Variants in PGM5 observed in about 807,000 individuals in gnomAD.
The protein encoded by PGM5 is phosphoglucomutase-like protein 5.
A neutral mutation model predicts 59.2 loss-of-function variants in PGM5; 23 were observed. The observed-to-expected ratio is 0.39, with a 90% CI of 0.28 to 0.55. The LOEUF (loss-of-function observed/expected upper bound fraction) is 0.55. Among genes scored for constraint, PGM5 ranks in the 20% least tolerant of loss-of-function variants. The pLI is 0.66. For missense variants in PGM5, 574 were observed against 748.3 expected, an observed-to-expected ratio of 0.77 and a Z score of 2.72; for synonymous variants, 214 against 286.0, an observed-to-expected ratio of 0.75 and a Z score of 2.54.
chr9:68,451,077 A>C (rs1823689004), intron 6 of PGM5, among the ~76,000 whole-genome samples: 1 of 152,122 alleles, frequency 6.6e-6, no homozygotes, highest in Non-Finnish European at 1.5e-5. Flanking sequence ...CCACCTACCC[A>C]CTTGAACATC....
chr9:68,380,841 G>T (rs188881356), intron 2 of PGM5, among the ~76,000 whole-genome samples: 1 of 151,880 alleles, frequency 6.6e-6, no homozygotes, highest in East Asian at 1.9e-4. Flanking sequence ...TAGAAGAAAT[G>T]GATAAATTTC....
chr9:68,461,834 G>A (rs1823863334), intron 6 of PGM5, among the ~76,000 whole-genome samples: 1 of 151,856 alleles, frequency 6.6e-6, no homozygotes, highest in Non-Finnish European at 1.5e-5. Flanking sequence ...AGCATTTAAG[G>A]TAGGTCTTCA....
chr9:68,527,003 A>T (rs546307241), intron 10 of PGM5, among the ~76,000 whole-genome samples: 20 of 152,366 alleles, frequency 1.3e-4, no homozygotes, highest in African/African-American at 4.6e-4. Flanking sequence ...AGGTGAGCAT[A>T]TTAGAAAGTG....
intron 9 of PGM5, among the ~76,000 whole-genome samples, chr9:68,484,512 C>T (rs564422895): frequency 4.8e-5 from 7 of 144,706 alleles, no homozygotes; most frequent in Non-Finnish European, 1.0e-4. Flanking sequence ...TGCACTTCAG[C>T]GTGGGAGACA....
intron 10 of PGM5, among the ~76,000 whole-genome samples, chr9:68,525,778 C>T (rs1056701826): frequency 1.9e-4 from 29 of 152,042 alleles, no homozygotes; most frequent in African/African-American, 6.5e-4. Flanking sequence ...GGGAGCTTGC[C>T]GGGCGTGGTG....
intron 2 of PGM5, among the ~76,000 whole-genome samples, chr9:68,381,870 T>G (rs1293210287): frequency 1.3e-5 from 2 of 151,792 alleles, no homozygotes; most frequent in African/African-American, 2.4e-5. Flanking sequence ...CTATAAAACA[T>G]TGATTGAATA....
intron 6 of PGM5, among the ~76,000 whole-genome samples, chr9:68,400,886 G>A (rs1228253234): frequency 5.9e-5 from 9 of 152,286 alleles, no homozygotes; most frequent in East Asian, 3.9e-4. Flanking sequence ...GAACTTAAGC[G>A]CAAGGTTGTT....
intron 6 of PGM5, among the ~76,000 whole-genome samples, chr9:68,457,157 GCTTA>G (rs1471582037): frequency 1.3e-5 from 2 of 151,878 alleles, no homozygotes. Flanking sequence ...TCAATCTATG[GCTTA>G]CTTCTTTTTT....
At chr9:68,439,324 C>T (rs1256986659) in intron 6 of PGM5, among the ~76,000 whole-genome samples, 29 of 151,098 alleles carry the variant, frequency 1.9e-4, no homozygotes, top group African/African-American at 7.0e-4. Context: ...TGTGTTCATG[C>T]CACTGCACTC....
chr9:68,475,219 G>T (rs564407318), intron 7 of PGM5, among the ~76,000 whole-genome samples: 1 of 126,340 alleles, frequency 7.9e-6, no homozygotes, highest in African/African-American at 3.2e-5. Flanking sequence ...ATTTTTAGTA[G>T]AGACGAGGTT....
In PGM5 at chr9:68,384,406, C is replaced by G. The variant is rs782353885; in HGVS notation, c.433C>G (p.Pro145Ala). Residue 145 changes from proline (P) to alanine (A), a missense_variant, in exon 3 of 11, where the codon CCC (proline) becomes GCC (alanine). Transcript: ENST00000396396. ...KFNVANGGPA[P>A]DVVSDKIYQI... ...TGGTGTTCACATTTTAGGTCCTGCACCCGATGTTGTCTCAGACAAAATCTA... is the reference window on the plus strand; with the variant it reads ...TGGTGTTCACATTTTAGGTCCTGCAGCCGATGTTGTCTCAGACAAAATCTA... 7 of 1,604,466 alleles carry G rather than the reference C, an allele frequency of 4.4e-6. No homozygotes were observed. Among genetic ancestry groups the G allele is most frequent in the Non-Finnish European group, 5.1e-6 (6 of 1,173,200 alleles).
rs536861730 is a variant in PGM5 at position 68,414,614 on chromosome 9, C to T, written c.1043+22141C>T. On this transcript the variant is annotated intron_variant, in intron 6 of 10. Transcript: ENST00000396396. Reference sequence around the variant, plus strand: ...GTGCCCAGTACAGAGAGGAGGTGCACGAGGAAATGATAAGGCACATCTCTG... The same window carrying T: ...GTGCCCAGTACAGAGAGGAGGTGCATGAGGAAATGATAAGGCACATCTCTG... 9.8e-3 allele frequency among the ~76,000 whole-genome samples: 1,478 copies of T among 151,346 alleles called. 15 individuals carry two copies. Among genetic ancestry groups the T allele is most frequent in the African/African-American group, 0.03 (1,229 of 41,178 alleles).
At chr9:68,488,306 C>T (rs1033299617) in intron 9 of PGM5, among the ~76,000 whole-genome samples, 1 of 152,192 alleles carries the variant, frequency 6.6e-6, no homozygotes, top group Non-Finnish European at 1.5e-5. Flanking sequence ...GCAGCTTGGT[C>T]TCCTTTATGT....
intron 6 of PGM5, among the ~76,000 whole-genome samples, chr9:68,422,450 T>C (rs1259137729): frequency 1.3e-5 from 2 of 150,222 alleles, no homozygotes; most frequent in African/African-American, 2.5e-5. Flanking sequence ...GTTTTGTTTT[T>C]TGTTTTGTTT....
chr9:68,468,578 T>C (rs1554686031), intron 7 of PGM5, among the ~76,000 whole-genome samples: 2 of 152,194 alleles, frequency 1.3e-5, no homozygotes, highest in African/African-American at 4.8e-5. Context: ...GTACCAGGCA[T>C]TGTGTTGGAT....
chr9:68,441,325 T>C (rs1823526199), intron 6 of PGM5, among the ~76,000 whole-genome samples: 1 of 152,048 alleles, frequency 6.6e-6, no homozygotes, highest in Admixed American at 6.5e-5. Flanking sequence ...AAAGATAGAA[T>C]TTTTAAAAAA....
intron 2 of PGM5, among the ~76,000 whole-genome samples, chr9:68,383,843 C>T (rs1554678595): frequency 1.3e-5 from 2 of 151,344 alleles, no homozygotes; most frequent in Non-Finnish European, 3.0e-5. Context: ...TTTGGTCTTC[C>T]GAGGAAATGC....
At chr9:68,383,716 T>A (rs1587782271) in intron 2 of PGM5, among the ~76,000 whole-genome samples, 2 of 95,272 alleles carry the variant, frequency 2.1e-5, no homozygotes, top group Admixed American at 1.1e-4. Flanking sequence ...AAATCTGAAA[T>A]GGCTTGCATT....
In PGM5 at chr9:68,466,291, T is replaced by C; in HGVS notation, c.1159+1083T>C. The C allele has an allele frequency of 3.9e-6, 3 of 760,844 alleles. No homozygotes were observed. The South Asian group carries it at 6.8e-5, about 17-fold the overall frequency. The allele number at this position is 760,844 out of a possible 1,614,324, so 47.1% of individuals were successfully genotyped here. A position where few individuals can be genotyped will look rare whatever the true frequency, so the allele number is the denominator to read the frequency against. ...GTGTGTTTTTTTTTTTTTTTTAGCA[T>C]TTCTCTTTGACTCTTTTAAAATAGT... On this transcript the variant is annotated intron_variant, in intron 7 of 10. Transcript: ENST00000396396.
Sources: gnomAD v4.1 joint callset for allele counts (sites outside exome capture counted in the v4.1 genomes callset) on GRCh38, gnomAD v4.1.1 for gene constraint, MANE v1.5 for transcripts, NCBI Gene and HGNC (gene_info 2026-07-23, HGNC 2026-07-21) for gene names.